AGBL4: variants seen among roughly 807,000 people sequenced by gnomAD.
The protein encoded by AGBL4 is AGBL carboxypeptidase 4.
AGBL4 carries 58 observed loss-of-function variants against 66.4 expected under a neutral mutation model. The ratio of observed to expected loss-of-function variants is 0.87; its 90% CI spans 0.71 to 1.09. The LOEUF is 1.09. Ranked by LOEUF, AGBL4 falls within the 50% of genes least tolerant of loss-of-function variation. The pLI, the probability that AGBL4 is intolerant of heterozygous loss-of-function variation, is 0.00. For missense variants in AGBL4, 579 were observed against 631.0 expected (o/e 0.92, Z 0.88); for synonymous variants, 234 against 222.9 (o/e 1.05, Z -0.44).
At position 49,868,559 on chromosome 1, in the gene AGBL4, A is replaced by G. The variant is rs138270999; in HGVS notation, c.35-17041T>C. Among the ~76,000 whole-genome samples, 447 of 152,360 alleles carry G rather than the reference A, an allele frequency of 2.9e-3. 3 individuals are homozygous for G. The highest frequency in any genetic ancestry group is 0.01 in the African/African-American group (422 of 41,598). ...CTAGTAAAACTGGCTAGTCATATGC[A>G]GAAAATTGAAACCGGACTCCTACCT... On this transcript the variant is annotated intron_variant, in intron 1 of 13. Transcript: ENST00000371839.
chr1:49,261,051 C>A (rs1029328063), intron 3 of AGBL4, among the ~76,000 whole-genome samples: 10 of 152,132 alleles, frequency 6.6e-5, no homozygotes, highest in Middle Eastern at 3.4e-3. Context: ...AAACCAAAGA[C>A]AAAAACCACA....
intron 5 of AGBL4, among the ~76,000 whole-genome samples, chr1:48,931,175 A>G (rs1484307038): frequency 6.6e-6 from 1 of 152,236 alleles, no homozygotes; most frequent in African/African-American, 2.4e-5. Context: ...TATATGGTGA[A>G]CTAAAAATGA....
chr1:49,565,392 C>G (rs921051685), intron 3 of AGBL4, among the ~76,000 whole-genome samples: 1 of 152,132 alleles, frequency 6.6e-6, no homozygotes, highest in African/African-American at 2.4e-5. Context: ...TTGTTTCTTC[C>G]TAGCCTTGAT....
Position 49,877,323 on chromosome 1 carries a change from A to G in AGBL4, c.35-25805T>C, listed in dbSNP as rs916098285. 2.0e-4 allele frequency among the ~76,000 whole-genome samples: 31 copies of G among 151,636 alleles called. 1 individual carries two copies. Among genetic ancestry groups the G allele is most frequent in the Middle Eastern group, 3.4e-3 (1 of 294 alleles). The stretch of plus-strand genomic sequence containing the variant: ...TCATAGATAGCTCTTATTATTTTGA[A>G]ATACGTCCCATCAATACCTAATTTA... On this transcript the variant is annotated intron_variant, in intron 1 of 13. Transcript: ENST00000371839.
intron 3 of AGBL4, among the ~76,000 whole-genome samples, chr1:49,684,813 G>A (rs1199253394): frequency 5.9e-5 from 9 of 152,214 alleles, no homozygotes; most frequent in African/African-American, 1.7e-4. Flanking sequence ...TTAAGGACTG[G>A]ATCAAGTACA....
intron 1 of AGBL4, among the ~76,000 whole-genome samples, chr1:49,895,116 G>A (rs180786929): frequency 1.3e-5 from 2 of 151,608 alleles, no homozygotes; most frequent in African/African-American, 4.8e-5. Flanking sequence ...CATATTTAAC[G>A]TGCTGAAAGA....
intron 3 of AGBL4, among the ~76,000 whole-genome samples, chr1:49,547,818 G>C (rs1447709602): frequency 2.0e-5 from 3 of 151,002 alleles, no homozygotes. Flanking sequence ...CTGTCACCCA[G>C]GCTGGAGTGC....
intron 8 of AGBL4, among the ~76,000 whole-genome samples, chr1:48,650,363 C>T (rs886424322): frequency 1.3e-5 from 2 of 152,166 alleles, no homozygotes; most frequent in African/African-American, 4.8e-5. Context: ...CCTGGCCACC[C>T]GTCTTCCAAC....
intron 2 of AGBL4, among the ~76,000 whole-genome samples, chr1:49,721,463 T>C (rs1648605271): frequency 6.6e-6 from 1 of 152,022 alleles, no homozygotes; most frequent in Admixed American, 6.6e-5. Context: ...TAAGACAGGA[T>C]GGCCAGGCCA....
chr1:49,158,359 C>G (rs1414213197), intron 4 of AGBL4, among the ~76,000 whole-genome samples: 1 of 147,212 alleles, frequency 6.8e-6, no homozygotes, highest in Admixed American at 6.8e-5. Context: ...AGCTTCTGCA[C>G]AGCAAAAAAA....
At chr1:49,426,561 C>T (rs989637433) in intron 3 of AGBL4, among the ~76,000 whole-genome samples, 1 of 151,854 alleles carries the variant, frequency 6.6e-6, no homozygotes, top group South Asian at 2.1e-4. Flanking sequence ...TCTGTGCCTG[C>T]CCCAGTGCAA....
At chr1:49,478,693 A>G (rs910274523) in intron 3 of AGBL4, among the ~76,000 whole-genome samples, 3 of 152,056 alleles carry the variant, frequency 2.0e-5, no homozygotes, top group African/African-American at 7.2e-5. Flanking sequence ...AAAAACACAG[A>G]CTATTATAAC....
At chr1:49,464,227 G>A (rs1557964866) in intron 3 of AGBL4, among the ~76,000 whole-genome samples, 1 of 151,730 alleles carries the variant, frequency 6.6e-6, no homozygotes, top group Non-Finnish European at 1.5e-5. Flanking sequence ...GCTGAATTTT[G>A]AAATACCACT....
chr1:49,701,333 G>A (rs905512930), intron 2 of AGBL4, among the ~76,000 whole-genome samples: 1 of 151,892 alleles, frequency 6.6e-6, no homozygotes, highest in East Asian at 1.9e-4. Flanking sequence ...GATTTGCTAA[G>A]AGAGTAGATC....
intron 3 of AGBL4, among the ~76,000 whole-genome samples, chr1:49,543,039 G>A (rs1291344749): frequency 6.6e-6 from 1 of 151,370 alleles, no homozygotes; most frequent in African/African-American, 2.4e-5. Context: ...AGGGCCACTA[G>A]GTGACAATAA....
chr1:49,960,395 G>A lies in AGBL4; in HGVS notation c.34+63368C>T, dbSNP rs570119270. On this transcript the variant is annotated intron_variant, in intron 1 of 13. Transcript: ENST00000371839. ...AATCTCATAGAAGAAAAGTAGAACAGAAGTTACTATACGCTGGTAAGGGTA... is the reference window on the plus strand; with the variant it reads ...AATCTCATAGAAGAAAAGTAGAACAAAAGTTACTATACGCTGGTAAGGGTA... Among the ~76,000 whole-genome samples the A allele has an allele frequency of 2.0e-5, 3 of 152,154 alleles. No homozygotes were observed. The East Asian group carries it at 5.8e-4, about 29-fold the overall frequency.
At chr1:49,006,299 G>A (rs909691682) in intron 5 of AGBL4, among the ~76,000 whole-genome samples, 9 of 152,118 alleles carry the variant, frequency 5.9e-5, no homozygotes, top group African/African-American at 1.9e-4. Flanking sequence ...ACTCCCACCC[G>A]AATACTGTGC....
intron 3 of AGBL4, among the ~76,000 whole-genome samples, chr1:49,635,631 C>A (rs1645656463): frequency 6.6e-6 from 1 of 152,108 alleles, no homozygotes; most frequent in Non-Finnish European, 1.5e-5. Flanking sequence ...CAATATACTA[C>A]ATAAAAGCTG....
At chr1:49,493,616 G>C (rs2148748271) in intron 3 of AGBL4, among the ~76,000 whole-genome samples, 1 of 151,976 alleles carries the variant, frequency 6.6e-6, no homozygotes, top group East Asian at 1.9e-4. Context: ...AAGAAGGCCA[G>C]GGTAACAGGA....
Sources: allele counts gnomAD v4.1 joint callset (sites outside exome capture counted in the v4.1 genomes callset), GRCh38; gene constraint gnomAD v4.1.1; transcripts MANE v1.5; gene names NCBI Gene and HGNC (gene_info 2026-07-23, HGNC 2026-07-21).